The following TAF5L variants were observed in gnomAD, a reference collection of about 807,000 sequenced individuals.
The protein encoded by TAF5L is TAF5-like RNA polymerase II p300/CBP-associated factor-associated factor 65 kDa subunit 5L.
A neutral mutation model predicts 51.3 loss-of-function variants in TAF5L; 7 were observed. The observed-to-expected ratio is 0.14, with a 90% CI of 0.08 to 0.26. The LOEUF is 0.26. Ranked by LOEUF, TAF5L falls within the 10% of genes least tolerant of loss-of-function variation. TAF5L has a pLI of 1.00. For synonymous variants in TAF5L, 291 were observed against 308.1 expected (o/e 0.94, Z 0.58); for missense variants, 575 against 758.9 (o/e 0.76, Z 2.85).
chr1:229,600,584 T>G (rs1571832655), intron 4 of TAF5L: 2 of 985,502 alleles, frequency 2.0e-6, no homozygotes, highest in East Asian at 2.3e-4. Flanking sequence ...CTACCCTAGT[T>G]TGGCCGCCAT....
chr1:229,594,564 G>T lies in TAF5L; in HGVS notation c.1503C>A (p.Thr501=). Residue 501 remains threonine, a synonymous_variant, in exon 5 of 5, where the codon ACC becomes ACA. Coordinates refer to ENST00000258281, the Ensembl canonical transcript of TAF5L. The surrounding 1 kb of genome is among the most constrained non-coding windows in gnomAD (Gnocchi z 7.9). The stretch of plus-strand genomic sequence containing the variant: ...TGTGGCCTCTCAACTCTTTATAAAG[G>T]GTCCCAGAGGCCAAGTCCCACAGCT... 1.2e-6 allele frequency: 2 copies of T among 1,614,114 alleles called. No individual in the cohort carries two copies. Among genetic ancestry groups the T allele is most frequent in the East Asian group, 4.5e-5 (2 of 44,878 alleles).
intron 4 of TAF5L, 111 bp from the exon 5 acceptor site, chr1:229,595,205 G>A (rs12021628): frequency 8.8e-7 from 1 of 1,137,404 alleles, no homozygotes; most frequent in East Asian, 2.5e-5. Flanking sequence ...AGACTGCTTG[G>A]GAAATAGCAT....
chr1:229,613,329 C>CAA lies in TAF5L; in HGVS notation c.142+1010_142+1011dup, dbSNP rs567436350. Among the ~76,000 whole-genome samples, 129 of 84,468 alleles carry CAA rather than the reference C, an allele frequency of 1.5e-3. 2 individuals carry two copies. Among genetic ancestry groups the CAA allele is most frequent in the African/African-American group, 2.7e-3 (59 of 22,064 alleles). The allele number at this position is 84,468 out of a possible 152,430, so 55.4% of individuals were successfully genotyped here. Reference sequence around the variant, plus strand: ...TGGGTGATGGAGAGAGACTCTGTCTCAAAAAAAAAAAAAAAAAAAGAAGAA... The same window carrying CAA: ...TGGGTGATGGAGAGAGACTCTGTCTCAAAAAAAAAAAAAAAAAAAAAGAAGAA... On this transcript the variant is annotated intron_variant, in intron 2 of 4. Transcript: ENST00000258281.
At chr1:229,623,499 C>G (rs1171993688) in intron 1 of TAF5L, among the ~76,000 whole-genome samples, 1 of 152,188 alleles carries the variant, frequency 6.6e-6, no homozygotes, top group African/African-American at 2.4e-5. Context: ...GCACTACAAC[C>G]TGGTTTGGCT....
At chr1:229,593,755 T>C (rs922150984) in exon 5 of TAF5L, 1 of 151,094 alleles carries the variant, frequency 6.6e-6, no homozygotes, top group Admixed American at 6.6e-5. Context: ...TAATAATAAT[T>C]ATAATTATAA....
At position 229,594,209 on chromosome 1, in the gene TAF5L, C is replaced by T. The variant is rs1558141579; in HGVS notation, c.*88G>A. On this transcript the variant is annotated 3_prime_UTR_variant, in exon 5 of 5. Transcript: ENST00000258281. This position sits in a 1 kb window ranked among gnomAD's most constrained non-coding sequence, Gnocchi z 7.9. ...GAGAGGGGAGGAGGGGGCTCTTTCA[C>T]AGTCAATGATTCAATCTCAGCTCAT... 1 of 1,406,028 alleles carries T rather than the reference C, an allele frequency of 7.1e-7. No individual in the cohort carries two copies. Among genetic ancestry groups the T allele is most frequent in the Admixed American group, 2.3e-5 (1 of 43,402 alleles). 87.1% of individuals were successfully genotyped at this position (1,406,028 alleles called of 1,614,324 possible). A position where few individuals can be genotyped will look rare whatever the true frequency, so the allele number is the denominator to read the frequency against.
chr1:229,605,398 T>C (rs899708155), intron 3 of TAF5L, among the ~76,000 whole-genome samples: 1 of 152,222 alleles, frequency 6.6e-6, no homozygotes. Flanking sequence ...AGTGTGTTTT[T>C]TGGTTGTACA....
At chr1:229,596,965 T>C (rs1664147721) in intron 4 of TAF5L, among the ~76,000 whole-genome samples, 1 of 152,208 alleles carries the variant, frequency 6.6e-6, no homozygotes, top group Middle Eastern at 3.2e-3. Context: ...AAATAAACAC[T>C]GATGTCCATG....
In TAF5L at chr1:229,594,231, T is replaced by C. The variant is rs1664027693; in HGVS notation, c.*66A>G. The stretch of plus-strand genomic sequence containing the variant: ...TCACAGTCAATGATTCAATCTCAGC[T>C]CATTGAAGGATTGCAACTGGAGGCT... On this transcript the variant is annotated 3_prime_UTR_variant, in exon 5 of 5. Coordinates refer to ENST00000258281, the Ensembl canonical transcript of TAF5L. This position sits in a 1 kb window ranked among gnomAD's most constrained non-coding sequence, Gnocchi z 7.9. 1.3e-6 allele frequency: 2 copies of C among 1,491,628 alleles called. No individual in the cohort carries two copies. The highest frequency in any genetic ancestry group is 1.8e-6 in the Non-Finnish European group (2 of 1,100,790). 92.4% of individuals were successfully genotyped at this position (1,491,628 alleles called of 1,614,324 possible). A position where few individuals can be genotyped will look rare whatever the true frequency, so the allele number is the denominator to read the frequency against.
intron 4 of TAF5L, chr1:229,600,739 G>C (rs1008414930): frequency 1.0e-6 from 1 of 985,294 alleles, no homozygotes; most frequent in Non-Finnish European, 1.2e-6. Flanking sequence ...CTGATACCCG[G>C]AAATAAACAT....
Position 229,594,397 on chromosome 1 carries a change from C to T in TAF5L, c.1670G>A (p.Gly557Asp). The change falls in exon 5 of 5, where the codon GGC becomes GAC. Residue 557 changes from glycine to aspartate, a missense_variant. Coordinates refer to ENST00000258281, the Ensembl canonical transcript of TAF5L. The surrounding 1 kb of genome is among the most constrained non-coding windows in gnomAD (Gnocchi z 7.9). Reference sequence around the variant, plus strand: ...GTTGCTCATCTGCCCGGTGTACACGCCCACGAGCTCGCTGGAGGAGCCGTC... The same window carrying T: ...GTTGCTCATCTGCCCGGTGTACACGTCCACGAGCTCGCTGGAGGAGCCGTC... The T allele has an allele frequency of 6.2e-7, 1 of 1,614,198 alleles. No individual in the cohort carries two copies. The highest frequency in any genetic ancestry group is 8.5e-7 in the Non-Finnish European group (1 of 1,180,048).
intron 4 of TAF5L, among the ~76,000 whole-genome samples, chr1:229,597,883 G>A (rs1040160910): frequency 3.9e-5 from 6 of 152,102 alleles, no homozygotes; most frequent in African/African-American, 9.7e-5. Context: ...TGTTATGGCC[G>A]TCTGCTCCTG....
intron 1 of TAF5L, among the ~76,000 whole-genome samples, chr1:229,619,783 C>T (rs1665136965): frequency 6.6e-6 from 1 of 152,108 alleles, no homozygotes. Flanking sequence ...CTGCTGAACT[C>T]ACCTCCTACT....
Position 229,594,351 on chromosome 1 carries a change from C to A in TAF5L, c.1716G>T (p.Met572Ile). 6.2e-7 allele frequency: 1 copy of A among 1,614,010 alleles called. No homozygotes were observed. Among genetic ancestry groups the A allele is most frequent in the South Asian group, 1.1e-5 (1 of 91,070 alleles). The stretch of plus-strand genomic sequence containing the variant: ...CAGTCACCAGAAGAAGGTTACAGGC[C>A]ATGAACTGCACGCTCAGGACGTTGC... Residue 572 changes from methionine (M) to isoleucine (I), a missense_variant, in exon 5 of 5, where the codon ATG becomes ATT. Transcript: ENST00000258281. This position sits in a 1 kb window ranked among gnomAD's most constrained non-coding sequence, Gnocchi z 7.9.
intron 1 of TAF5L, among the ~76,000 whole-genome samples, chr1:229,622,865 G>C (rs1374537923): frequency 1.3e-5 from 2 of 152,212 alleles, no homozygotes; most frequent in Admixed American, 6.5e-5. Flanking sequence ...TCCTCCGAAA[G>C]TGCTGGGATT....
intron 1 of TAF5L, among the ~76,000 whole-genome samples, chr1:229,616,250 G>A (rs563569734): frequency 6.6e-6 from 1 of 152,258 alleles, no homozygotes; most frequent in African/African-American, 2.4e-5. Flanking sequence ...CTGACCTCAA[G>A]TGACTTGCCT....
At chr1:229,599,089 G>C (rs1481475123) in intron 4 of TAF5L, 1 of 175,072 alleles carries the variant, frequency 5.7e-6, no homozygotes, top group East Asian at 1.9e-4. Context: ...GAGGAGGGCT[G>C]CTCATACCAA....
In TAF5L at chr1:229,602,072, T is replaced by C. The variant is rs961531941; in HGVS notation, c.972+123A>G. 8.3e-5 allele frequency: 124 copies of C among 1,502,968 alleles called. 2 individuals are homozygous for C. In the South Asian group the frequency reaches 1.6e-3, roughly 20 times the overall value. 93.1% of individuals were successfully genotyped at this position (1,502,968 alleles called of 1,614,324 possible). Reference sequence around the variant, plus strand: ...ATGGCTACAGGTAACATGTCATTAGTCTGGCTTTAGCTATATGATGAGGGA... The same window carrying C: ...ATGGCTACAGGTAACATGTCATTAGCCTGGCTTTAGCTATATGATGAGGGA... On this transcript the variant is annotated intron_variant, in intron 4 of 4. Transcript: ENST00000258281. The surrounding 1 kb of genome is among the most constrained non-coding windows in gnomAD (Gnocchi z 4.6).
chr1:229,622,706 A>G (rs554983830), intron 1 of TAF5L, among the ~76,000 whole-genome samples: 1 of 152,306 alleles, frequency 6.6e-6, no homozygotes, highest in Non-Finnish European at 1.5e-5. Flanking sequence ...GACTGAGCTC[A>G]AAGATCTTCC....
Sources: gnomAD v4.1 joint callset for allele counts (sites outside exome capture counted in the v4.1 genomes callset) on GRCh38, gnomAD v4.1.1 for gene constraint, Gnocchi (gnomAD v3.1) non-coding constraint, MANE v1.5 for transcripts, NCBI Gene and HGNC (gene_info 2026-07-23, HGNC 2026-07-21) for gene names.